The following CES5A variants were observed in gnomAD, a reference collection of about 807,000 sequenced individuals.
CES5A encodes the protein carboxylesterase 5A.
A neutral mutation model predicts 62.9 loss-of-function variants in CES5A; 67 were observed. That is an observed-to-expected ratio of 1.07 (90% CI 0.88 to 1.31). CES5A has a LOEUF of 1.31. CES5A is among the 50% of genes most tolerant of loss of function. CES5A has a pLI of 0.00. For synonymous variants in CES5A, 296 were observed against 280.8 expected (o/e 1.05, Z -0.54); for missense variants, 748 against 708.5 (o/e 1.06, Z -0.63).
intron 2 of CES5A, among the ~76,000 whole-genome samples, chr16:55,939,839 G>A (rs748294723): frequency 2.6e-5 from 4 of 151,758 alleles, no homozygotes; most frequent in South Asian, 2.1e-4. Context: ...AACTATAATG[G>A]AATTAAACTG....
At chr16:55,854,290 C>A (rs1175391671) in intron 9 of CES5A, among the ~76,000 whole-genome samples, 9 of 152,052 alleles carry the variant, frequency 5.9e-5, no homozygotes, top group Admixed American at 5.2e-4. Flanking sequence ...TGCACTTTCC[C>A]GCACAGCCTA....
At chr16:55,869,803 C>A in intron 3 of CES5A, 59 bp from the exon 4 acceptor site, 1 of 1,535,162 alleles carries the variant, frequency 6.5e-7, no homozygotes, top group Non-Finnish European at 8.8e-7. Flanking sequence ...CCTCCCCATG[C>A]AGTTTGAGGC....
At chr16:55,898,944 T>G (rs1313154076) in intron 1 of CES5A, among the ~76,000 whole-genome samples, 2 of 152,162 alleles carry the variant, frequency 1.3e-5, no homozygotes, top group African/African-American at 4.8e-5. Flanking sequence ...GGTTACATTC[T>G]GTAGATGAGG....
intron 1 of CES5A, among the ~76,000 whole-genome samples, chr16:55,921,443 G>A (rs1254320024): frequency 2.6e-5 from 4 of 151,808 alleles, no homozygotes; most frequent in Admixed American, 2.0e-4. Context: ...ATACAGGCCA[G>A]GAGGAAATGG....
chr16:55,876,936 G>A (rs534819197), upstream of CES5A, among the ~76,000 whole-genome samples: 9 of 152,354 alleles, frequency 5.9e-5, no homozygotes, highest in South Asian at 1.4e-3. Context: ...AACCTGGCCT[G>A]TGCTGGAGCA....
chr16:55,923,785 A>G (rs1429975910), intron 1 of CES5A, among the ~76,000 whole-genome samples: 1 of 151,736 alleles, frequency 6.6e-6, no homozygotes, highest in African/African-American at 2.4e-5. Context: ...AGCACAAAAT[A>G]CATCACATTA....
At chr16:55,942,668 A>C (rs1029813939) in intron 2 of CES5A, among the ~76,000 whole-genome samples, 6 of 152,224 alleles carry the variant, frequency 3.9e-5, no homozygotes, top group Non-Finnish European at 8.8e-5. Flanking sequence ...ATGCTTCAAC[A>C]TTCCACTCCT....
chr16:55,915,619 C>T (rs574154211), intron 1 of CES5A, among the ~76,000 whole-genome samples: 5 of 152,264 alleles, frequency 3.3e-5, no homozygotes, highest in Non-Finnish European at 4.4e-5. Flanking sequence ...GGTCTTTAAG[C>T]TCCGCTAGAG....
chr16:55,854,673 A>G (rs1383814741), intron 9 of CES5A, among the ~76,000 whole-genome samples: 1 of 149,256 alleles, frequency 6.7e-6, no homozygotes, highest in East Asian at 2.0e-4. Context: ...CTGGCACCAC[A>G]AATGCACACC....
upstream of CES5A, among the ~76,000 whole-genome samples, chr16:55,876,676 T>C (rs963089389): frequency 2.0e-5 from 3 of 152,150 alleles, no homozygotes; most frequent in Non-Finnish European, 4.4e-5. Flanking sequence ...AGGAGGATAG[T>C]GACAGAAGGG....
At chr16:55,850,710 C>T (rs1419934773) in intron 10 of CES5A, among the ~76,000 whole-genome samples, 1 of 152,116 alleles carries the variant, frequency 6.6e-6, no homozygotes, top group Non-Finnish European at 1.5e-5. Flanking sequence ...TTTGTTTGAA[C>T]GTCAGTTTTC....
chr16:55,878,704 G>A (rs1412193389), upstream of CES5A, among the ~76,000 whole-genome samples: 1 of 125,228 alleles, frequency 8.0e-6, no homozygotes, highest in Non-Finnish European at 1.6e-5. Context: ...ACACCCCATT[G>A]CAGCACCCCA....
intron 3 of CES5A, among the ~76,000 whole-genome samples, chr16:55,870,162 C>T (rs1185349022): frequency 3.3e-5 from 5 of 152,014 alleles, no homozygotes; most frequent in African/African-American, 4.8e-5. Context: ...CTGTGACCCA[C>T]GGGAAGATGG....
In CES5A at chr16:55,849,621, T is replaced by C. The variant is rs919782641; in HGVS notation, c.1423+3A>G. ...GAACTGTGGGAAGTGGCCAGTCCCT[T>C]ACCGAACATAACAATGTCCCCCTTC... On this transcript the variant is annotated splice_donor_region_variant and intron_variant, in intron 11 of 12. Coordinates refer to ENST00000290567, the MANE Select transcript of CES5A (RefSeq NM_001143685.2). The C allele has an allele frequency of 1.2e-6, 2 of 1,613,806 alleles. No individual in the cohort carries two copies. The highest frequency in any genetic ancestry group is 1.7e-6 in the Non-Finnish European group (2 of 1,179,794).
At chr16:55,858,890 C>T (rs570463710) in intron 8 of CES5A, among the ~76,000 whole-genome samples, 17 of 152,258 alleles carry the variant, frequency 1.1e-4, no homozygotes, top group East Asian at 5.8e-4. Flanking sequence ...CCTAGAAGAG[C>T]GTTTCCTGAC....
At chr16:55,891,523 CA>C (rs1368893598) in intron 1 of CES5A, among the ~76,000 whole-genome samples, 1 of 152,196 alleles carries the variant, frequency 6.6e-6, no homozygotes, top group African/African-American at 2.4e-5. Context: ...AAAGGCAGAA[CA>C]ACTCGAAGCA....
chr16:55,896,119 T>C (rs923912170), intron 1 of CES5A, among the ~76,000 whole-genome samples: 1 of 152,168 alleles, frequency 6.6e-6, no homozygotes. Flanking sequence ...CTCACAATCA[T>C]GGTAAAAGGT....
chr16:55,864,035 C>T (rs1182683644), intron 5 of CES5A, among the ~76,000 whole-genome samples: 1 of 152,074 alleles, frequency 6.6e-6, no homozygotes, highest in African/African-American at 2.4e-5. Flanking sequence ...CGTGAGCCAC[C>T]GCACCCAGCC....
intron 2 of CES5A, chr16:55,944,132 T>G (rs1042733452): frequency 1.4e-6 from 1 of 701,876 alleles, no homozygotes. Context: ...TCTGACAACC[T>G]CTCTGTATTA....
Sources: allele counts gnomAD v4.1 joint callset (sites outside exome capture counted in the v4.1 genomes callset), GRCh38; gene constraint gnomAD v4.1.1; transcripts MANE v1.5; gene names NCBI Gene and HGNC (gene_info 2026-07-23, HGNC 2026-07-21).